Variants in PLD5 observed in about 807,000 individuals in gnomAD.
PLD5 encodes the protein phospholipase D family member 5, also known as inactive phospholipase D5.
A neutral mutation model predicts 61.1 loss-of-function variants in PLD5; 36 were observed. The observed-to-expected ratio is 0.59, with a 90% CI of 0.45 to 0.78. The LOEUF is 0.78. Ranked by LOEUF, PLD5 falls within the 30% of genes least tolerant of loss-of-function variation. The pLI is 0.00. For missense variants in PLD5, 515 were observed against 644.4 expected (o/e 0.80, Z 2.17); for synonymous variants, 243 against 242.8 (o/e 1.00, Z -0.01).
intron 4 of PLD5, among the ~76,000 whole-genome samples, chr1:242,258,024 T>C (rs1211969737): frequency 1.3e-5 from 2 of 152,240 alleles, no homozygotes; most frequent in Non-Finnish European, 2.9e-5. Context: ...GCTAGGAATA[T>C]GATTTCTGAT....
At chr1:242,410,836 G>T (rs946014346) in intron 1 of PLD5, among the ~76,000 whole-genome samples, 1 of 152,024 alleles carries the variant, frequency 6.6e-6, no homozygotes, top group Non-Finnish European at 1.5e-5. Context: ...CTGTGATCCT[G>T]CAGTGTAGGT....
chr1:242,377,413 G>C (rs958854406), intron 1 of PLD5: 4 of 1,037,262 alleles, frequency 3.9e-6, no homozygotes, highest in Admixed American at 4.0e-5. Context: ...TTGGGACTGG[G>C]GACCTTGGTG....
chr1:242,373,807 G>C (rs1051611739), intron 1 of PLD5, among the ~76,000 whole-genome samples: 6 of 152,018 alleles, frequency 3.9e-5, no homozygotes, highest in African/African-American at 7.2e-5. Context: ...TTGTGCAGTG[G>C]GGGGAGGTGA....
At chr1:242,258,876 T>C (rs142878762) in intron 4 of PLD5, among the ~76,000 whole-genome samples, 8 of 152,280 alleles carry the variant, frequency 5.3e-5, no homozygotes, top group South Asian at 2.1e-4. Flanking sequence ...TTCAGAAACA[T>C]TGGACTCTGT....
chr1:242,214,894 T>TTTTTTTAGTA (rs1670056827), intron 5 of PLD5, among the ~76,000 whole-genome samples: 1 of 143,650 alleles, frequency 7.0e-6, no homozygotes, highest in African/African-American at 2.7e-5. Context: ...TTTTTTTTTT[T>TTTTTTTAGTA]GAGATGGAGT....
intron 1 of PLD5, among the ~76,000 whole-genome samples, chr1:242,418,255 TGAG>T (rs1664936723): frequency 6.6e-6 from 1 of 152,122 alleles, no homozygotes; most frequent in African/African-American, 2.4e-5. Flanking sequence ...TTCCCATTAA[TGAG>T]AAGAGAATTA....
intron 7 of PLD5, among the ~76,000 whole-genome samples, chr1:242,113,228 T>C (rs985417157): frequency 1.3e-5 from 2 of 151,954 alleles, no homozygotes; most frequent in East Asian, 3.9e-4. Flanking sequence ...TAGCTGGGAC[T>C]ACAGGCACCC....
At chr1:242,263,144 G>A (rs74868354) in intron 4 of PLD5, among the ~76,000 whole-genome samples, 6,763 of 152,182 alleles carry the variant, frequency 0.044, 472 homozygotes, top group East Asian at 0.28. Context: ...AGCCTGCCTG[G>A]CCTTTTTCTG....
At chr1:242,474,930 T>C (rs1455885664) in intron 1 of PLD5, among the ~76,000 whole-genome samples, 3 of 152,230 alleles carry the variant, frequency 2.0e-5, no homozygotes. Context: ...CAATGCATTA[T>C]AAATATGTAT....
chr1:242,393,488 G>A (rs1558523844), intron 1 of PLD5, among the ~76,000 whole-genome samples: 2 of 21,706 alleles, frequency 9.2e-5, no homozygotes, highest in East Asian at 1.8e-3. Flanking sequence ...GTATATATGA[G>A]TATATATATG....
chr1:242,238,361 A>C (rs139294854), intron 4 of PLD5, among the ~76,000 whole-genome samples: 1 of 152,320 alleles, frequency 6.6e-6, no homozygotes, highest in Non-Finnish European at 1.5e-5. Context: ...GATACTCTGC[A>C]TCCATTGCCC....
At chr1:242,104,333 C>T (rs908915881) in intron 8 of PLD5, among the ~76,000 whole-genome samples, 16 of 149,374 alleles carry the variant, frequency 1.1e-4, no homozygotes, top group African/African-American at 2.0e-4. Flanking sequence ...AGGGTCTTGC[C>T]ATGTTGTCCA....
intron 1 of PLD5, among the ~76,000 whole-genome samples, chr1:242,393,684 GTA>G (rs1407551883): frequency 9.8e-6 from 1 of 102,412 alleles, no homozygotes; most frequent in Non-Finnish European, 2.1e-5. Flanking sequence ...GTATATATGT[GTA>G]TATATATGAG....
chr1:242,133,117 C>A (rs1574362822), intron 5 of PLD5, among the ~76,000 whole-genome samples: 1 of 151,932 alleles, frequency 6.6e-6, no homozygotes, highest in Non-Finnish European at 1.5e-5. Context: ...CTCCCGCAAC[C>A]AATCACGCTG....
intron 1 of PLD5, among the ~76,000 whole-genome samples, chr1:242,389,970 C>A (rs961233729): frequency 6.6e-6 from 1 of 151,486 alleles, no homozygotes; most frequent in Admixed American, 6.6e-5. Flanking sequence ...CCAGAGTGTA[C>A]AAAATGTATC....
intron 1 of PLD5, among the ~76,000 whole-genome samples, chr1:242,362,500 C>A (rs192532128): frequency 2.4e-4 from 36 of 152,290 alleles, no homozygotes; most frequent in Non-Finnish European, 4.1e-4. Context: ...ACACTGCCTT[C>A]ATCTGTGGAG....
At chr1:242,451,721 T>C (rs1169006234) in intron 1 of PLD5, among the ~76,000 whole-genome samples, 1 of 151,958 alleles carries the variant, frequency 6.6e-6, no homozygotes, top group African/African-American at 2.4e-5. Context: ...CAGCCTCCCA[T>C]CGTGCTAGGA....
intron 1 of PLD5, among the ~76,000 whole-genome samples, chr1:242,496,476 T>C (rs750687562): frequency 5.3e-5 from 8 of 152,218 alleles, no homozygotes; most frequent in Non-Finnish European, 7.3e-5. Context: ...AAACATCACT[T>C]GATTATGTTC....
rs191793527 is a variant in PLD5 at position 242,215,996 on chromosome 1, C to T, written c.735+3992G>A. Among the ~76,000 whole-genome samples, 798 of 152,306 alleles carry T rather than the reference C, an allele frequency of 5.2e-3. 3 individuals are homozygous for T. The highest frequency in any genetic ancestry group is 0.034 in the Middle Eastern group (10 of 294). On this transcript the variant is annotated intron_variant, in intron 5 of 9. Coordinates refer to ENST00000536534, the MANE Select transcript of PLD5 (RefSeq NM_001372062.1). ...TTATCTGGGCAGACACTCCCTTCCC[C>T]GCTTCTAACAACATGACTGCTTGGC...
Sources: gnomAD v4.1 joint callset for allele counts (sites outside exome capture counted in the v4.1 genomes callset) on GRCh38, gnomAD v4.1.1 for gene constraint, MANE v1.5 for transcripts, NCBI Gene and HGNC (gene_info 2026-07-23, HGNC 2026-07-21) for gene names.